PCDHA3: variants seen among roughly 807,000 people sequenced by gnomAD.
PCDHA3 encodes the protein protocadherin alpha-3.
PCDHA3 carries 41 observed loss-of-function variants against 62.2 expected under a neutral mutation model. The ratio of observed to expected loss-of-function variants is 0.66; its 90% confidence interval spans 0.51 to 0.86. The LOEUF (loss-of-function observed/expected upper bound fraction) is 0.86. PCDHA3 is among the 40% of genes least tolerant of loss of function. The pLI is 0.00. For missense variants in PCDHA3, 1,304 were observed against 1,241.2 expected (o/e 1.05, Z -0.76); for synonymous variants, 640 against 555.4 (o/e 1.15, Z -2.14).
At chr5:140,832,640 G>T (rs2150203055) in intron 1 of PCDHA3, among the ~76,000 whole-genome samples, 1 of 152,252 alleles carries the variant, frequency 6.6e-6, no homozygotes, top group Middle Eastern at 3.4e-3. Flanking sequence ...TCCTAGGAGG[G>T]TCTTTAAGAG....
intron 1 of PCDHA3, chr5:140,834,138 ATAGT>A (rs1772812314): frequency 2.0e-6 from 1 of 499,248 alleles, no homozygotes; most frequent in Non-Finnish European, 3.5e-6. Context: ...CATCTGATTA[ATAGT>A]TTGTAATGGT....
At chr5:140,876,724 G>T (rs140611870) in intron 1 of PCDHA3, 2 of 1,614,246 alleles carry the variant, frequency 1.2e-6, no homozygotes, top group Non-Finnish European at 1.7e-6. Context: ...CCGCGAGAGC[G>T]TGTCGGCCTA....
At chr5:140,872,400 G>A (rs1582078480) in intron 1 of PCDHA3, among the ~76,000 whole-genome samples, 1 of 152,124 alleles carries the variant, frequency 6.6e-6, no homozygotes, top group Admixed American at 6.5e-5. Context: ...GCTGAGGCAG[G>A]AGAATTGCTT....
At chr5:140,921,277 A>G (rs1554200163) in intron 1 of PCDHA3, among the ~76,000 whole-genome samples, 1 of 152,210 alleles carries the variant, frequency 6.6e-6, no homozygotes, top group Non-Finnish European at 1.5e-5. Flanking sequence ...ACTTACTTGA[A>G]AAAAACCTCA....
chr5:140,955,156 G>A (rs556311036), intron 1 of PCDHA3, among the ~76,000 whole-genome samples: 25 of 152,262 alleles, frequency 1.6e-4, no homozygotes, highest in East Asian at 3.9e-4. Context: ...TACCAGTACC[G>A]TGCTGTTTTG....
intron 1 of PCDHA3, chr5:140,834,106 C>T (rs1156396918): frequency 1.8e-5 from 7 of 396,312 alleles, no homozygotes; most frequent in Non-Finnish European, 3.1e-5. Flanking sequence ...GAAAAAAATT[C>T]AGAGTTTGAA....
At chr5:140,936,519 G>A (rs77875081) in intron 1 of PCDHA3, among the ~76,000 whole-genome samples, 2,263 of 152,276 alleles carry the variant, frequency 0.015, 25 homozygotes, top group Non-Finnish European at 0.022. Context: ...TAAATTACCT[G>A]AAATTGCTTT....
chr5:140,935,045 G>T (rs1382389528), intron 1 of PCDHA3, among the ~76,000 whole-genome samples: 1 of 151,952 alleles, frequency 6.6e-6, no homozygotes, highest in Non-Finnish European at 1.5e-5. Flanking sequence ...TTGATTTCTG[G>T]TATTACAAGA....
At chr5:140,923,226 G>T (rs2081248805) in intron 1 of PCDHA3, among the ~76,000 whole-genome samples, 1 of 71,914 alleles carries the variant, frequency 1.4e-5, no homozygotes, top group Admixed American at 1.5e-4. Flanking sequence ...GATCGTTTGA[G>T]CCCAGAAGTT....
intron 1 of PCDHA3, chr5:140,804,048 A>G (rs1763325695): frequency 6.0e-6 from 1 of 167,982 alleles, no homozygotes; most frequent in Non-Finnish European, 1.3e-5. Context: ...ATAACTCCCT[A>G]TTGATTATGC....
rs782489417 is a variant in PCDHA3, at chr5:140,927,802, A to C, written c.2395-51147A>C. 6.2e-6 allele frequency: 10 copies of C among 1,614,148 alleles called. No homozygotes were observed. The East Asian group carries it at 2.0e-4, about 32-fold the overall frequency. On this transcript the variant is annotated intron_variant, in intron 1 of 3. Transcript: ENST00000522353. ...AGCTGCTTCACTAGGTCCGCCTGAA[A>C]CGCTCTTGGAGGCATACATTGAGGC...
rs185929013 is a variant in PCDHA3 at position 140,956,196 on chromosome 5, T to G, written c.2395-22753T>G. 2.6e-5 allele frequency among the ~76,000 whole-genome samples: 4 copies of G among 152,188 alleles called. No homozygotes were observed. In the East Asian group the frequency reaches 7.7e-4, roughly 29 times the overall value. On this transcript the variant is annotated intron_variant, in intron 1 of 3. Coordinates refer to ENST00000522353, the MANE Select transcript of PCDHA3 (RefSeq NM_018906.3). The stretch of plus-strand genomic sequence containing the variant: ...CTTCCAATACTATGCTGAATAGGAG[T>G]GGTGAAAGAGGGCATCCTTGTCTTG...
intron 1 of PCDHA3, chr5:140,841,821 T>G: frequency 6.2e-7 from 1 of 1,613,940 alleles, no homozygotes; most frequent in Non-Finnish European, 8.5e-7. Context: ...GCTAACTCCG[T>G]GTTAACCTAC....
chr5:140,952,734 C>T (rs143946641), intron 1 of PCDHA3, among the ~76,000 whole-genome samples: 1 of 152,272 alleles, frequency 6.6e-6, no homozygotes, highest in East Asian at 1.9e-4. Flanking sequence ...CTAGTCTTTT[C>T]TCACACTGCT....
chr5:140,992,017 CTGTGTGTGTG>C (rs10602499), intron 3 of PCDHA3, among the ~76,000 whole-genome samples: 1 of 145,512 alleles, frequency 6.9e-6, no homozygotes, highest in Non-Finnish European at 1.5e-5. Context: ...AGAGGTGGCT[CTGTGTGTGTG>C]TGTGTGTGTG....
chr5:140,871,002 G>C, intron 1 of PCDHA3: 1 of 1,613,384 alleles, frequency 6.2e-7, no homozygotes, highest in Non-Finnish European at 8.5e-7. Context: ...TAAGCACAAC[G>C]CGTGCCCTGG....
rs201231291 is a variant in PCDHA3, at chr5:140,849,957, G to A, written c.2394+46366G>A. On this transcript the variant is annotated intron_variant, in intron 1 of 3. Transcript: ENST00000522353. ...GCGGGACGCTGACGCGCAGGAGAAC[G>A]CCCTGGTGTCCTACTCGCTGGTGGA... The A allele has an allele frequency of 3.1e-6, 5 of 1,597,800 alleles. 1 individual carries two copies. The highest frequency in any genetic ancestry group is 3.4e-6 in the Non-Finnish European group (4 of 1,167,908).
At chr5:140,928,699 G>A in intron 1 of PCDHA3, 3 of 1,614,170 alleles carry the variant, frequency 1.9e-6, no homozygotes, top group Non-Finnish European at 2.5e-6. Flanking sequence ...CATCTCCCGG[G>A]CGTCTGACTC....
At chr5:140,914,542 T>C (rs1323797101) in intron 1 of PCDHA3, among the ~76,000 whole-genome samples, 2 of 152,202 alleles carry the variant, frequency 1.3e-5, no homozygotes, top group Non-Finnish European at 2.9e-5. Context: ...ACTTTATTTC[T>C]TTTTATTGGA....
Sources: gnomAD v4.1 joint callset for allele counts (sites outside exome capture counted in the v4.1 genomes callset) on GRCh38, gnomAD v4.1.1 for gene constraint, MANE v1.5 for transcripts, NCBI Gene and HGNC (gene_info 2026-07-23, HGNC 2026-07-21) for gene names.